PGD: variants seen among roughly 807,000 people sequenced by gnomAD.
PGD encodes phosphogluconate dehydrogenase.
Under a neutral mutation model 60.4 loss-of-function variants are expected in PGD, and 21 were observed. That is an observed-to-expected ratio of 0.35 (90% CI 0.25 to 0.50). PGD has a LOEUF of 0.50. Among genes scored for constraint, PGD ranks in the 20% least tolerant of loss-of-function variants. PGD has a pLI of 0.98. For synonymous variants in PGD, 230 were observed against 235.9 expected (o/e 0.97, Z 0.23); for missense variants, 477 against 613.1 (o/e 0.78, Z 2.34).
intron 5 of PGD, among the ~76,000 whole-genome samples, chr1:10,405,326 G>A (rs759504665): frequency 1.3e-5 from 2 of 151,176 alleles, no homozygotes; most frequent in East Asian, 2.0e-4. Context: ...AGCCGAGATC[G>A]CGCCACTGCA....
At chr1:10,411,661 C>T (rs758325040) in intron 7 of PGD, 109 bp downstream of exon 7, 9 of 1,251,746 alleles carry the variant, frequency 7.2e-6, no homozygotes, top group Non-Finnish European at 1.0e-5. Flanking sequence ...GGGTGGCCTG[C>T]ATGGACTCAG....
chr1:10,411,625 C>T, intron 7 of PGD, 73 bp downstream of exon 7: 1 of 1,575,368 alleles, frequency 6.3e-7, no homozygotes, highest in Non-Finnish European at 8.7e-7. Context: ...CGAATCTTTT[C>T]TTCATTCCTA....
chr1:10,417,552 C>T lies in PGD; in HGVS notation c.1109+43C>T, dbSNP rs776966118. ...CAGGGTCCGACGGGAAGGACTCACA[C>T]GGCTGTGCAGAAGTGCGATCTTAGG... On this transcript the variant is annotated intron_variant, in intron 10 of 12. Transcript: ENST00000270776. The T allele has an allele frequency of 4.1e-5, 64 of 1,573,488 alleles. 1 individual carries two copies. The Middle Eastern group carries it at 5.1e-4, about 12-fold the overall frequency.
At position 10,417,051 on chromosome 1, in the gene PGD, G is replaced by T; in HGVS notation, c.909G>T (p.Lys303Asn). 6.2e-7 allele frequency: 1 copy of T among 1,614,060 alleles called. No individual in the cohort carries two copies. Among genetic ancestry groups the T allele is most frequent in the Non-Finnish European group, 8.5e-7 (1 of 1,179,906 alleles). ...ATGAGAGAATTCAAGCTAGCAAAAAGCTGAAGGGTCCCCAGAAGTTCCAGT... is the reference window on the plus strand; with the variant it reads ...ATGAGAGAATTCAAGCTAGCAAAAATCTGAAGGGTCCCCAGAAGTTCCAGT... Reference protein sequence around the residue: ...LKDERIQASKKLKGPQKFQFD... With the variant: ...LKDERIQASKNLKGPQKFQFD... Residue 303 changes from lysine (K) to asparagine (N), a missense_variant, in exon 9 of 13, where the codon AAG becomes AAT. Coordinates refer to ENST00000270776, the MANE Select transcript of PGD (RefSeq NM_002631.4).
chr1:10,401,630 A>G (rs1157132191), intron 3 of PGD, among the ~76,000 whole-genome samples: 1 of 152,254 alleles, frequency 6.6e-6, no homozygotes, highest in Non-Finnish European at 1.5e-5. Flanking sequence ...AGTTTCAGAC[A>G]GAGAAAACTG....
intron 6 of PGD, among the ~76,000 whole-genome samples, chr1:10,409,916 A>G (rs1639471104): frequency 6.6e-6 from 1 of 151,990 alleles, no homozygotes; most frequent in Admixed American, 6.6e-5. Context: ...TTGGCCTCCC[A>G]AAGTGTTGGG....
At chr1:10,419,231 C>G (rs1639647976) in intron 11 of PGD, among the ~76,000 whole-genome samples, 186 bp from the exon 12 acceptor site, 1 of 150,302 alleles carries the variant, frequency 6.7e-6, no homozygotes, top group South Asian at 2.1e-4. Context: ...GTTGGCTAGA[C>G]TGGTCTTGAA....
chr1:10,399,796 C>A, intron 2 of PGD, 92 bp downstream of exon 2: 2 of 1,088,720 alleles, frequency 1.8e-6, no homozygotes, highest in Non-Finnish European at 2.8e-6. Flanking sequence ...GTCTCCTGGC[C>A]GTGCTTTGCT....
At chr1:10,411,904 T>C (rs1054418298) in intron 7 of PGD, among the ~76,000 whole-genome samples, 1 of 152,214 alleles carries the variant, frequency 6.6e-6, no homozygotes, top group African/African-American at 2.4e-5. Context: ...GGCTTTTTGA[T>C]AGTTAATCTG....
chr1:10,417,547 TCA>T (rs1471333275), intron 10 of PGD, 38 bp downstream of exon 10: 4 of 1,579,164 alleles, frequency 2.5e-6, no homozygotes, highest in African/African-American at 1.3e-5. Context: ...CGGGAAGGAC[TCA>T]CACGGCTGTG....
At chr1:10,414,053 C>A (rs944510582) in intron 8 of PGD, among the ~76,000 whole-genome samples, 1 of 152,156 alleles carries the variant, frequency 6.6e-6, no homozygotes, top group African/African-American at 2.4e-5. Flanking sequence ...GAGACTCCAT[C>A]CCCTCCAAAA....
chr1:10,419,290 G>A (rs1639648917), intron 11 of PGD, 127 bp from the exon 12 acceptor site: 1 of 1,296,730 alleles, frequency 7.7e-7, no homozygotes, highest in African/African-American at 1.5e-5. Flanking sequence ...GTGCTGGGAT[G>A]ACAGGCGTGA....
chr1:10,417,618 C>T, intron 10 of PGD, 109 bp downstream of exon 10: 1 of 1,072,064 alleles, frequency 9.3e-7, no homozygotes, highest in South Asian at 1.6e-5. Context: ...GCACTTAGCC[C>T]CATCACTGGA....
chr1:10,411,550 C>G lies in PGD; in HGVS notation c.652C>G (p.Gln218Glu). Reference protein sequence around the residue: ...VLGMAQDEMAQAFEDWNKTEL... With the variant: ...VLGMAQDEMAEAFEDWNKTEL... ...GGGCATGGCGCAGGACGAGATGGCCCAGGTGAGGCCCCGGCACTGCCTCTG... is the reference window on the plus strand; with the variant it reads ...GGGCATGGCGCAGGACGAGATGGCCGAGGTGAGGCCCCGGCACTGCCTCTG... The change falls in exon 7 of 13, where the codon CAG becomes GAG. Residue 218 changes from glutamine to glutamate, a missense_variant and splice_region_variant. Physicochemically the swap from Gln to Glu is conservative, Grantham distance 29 (BLOSUM62 2). Around this residue, in one of 3 missense-constraint regions of PGD, gnomAD observed 431 missense variants for 556.6 expected, o/e 0.77. Coordinates refer to ENST00000270776, the MANE Select transcript of PGD (RefSeq NM_002631.4). 6.2e-7 allele frequency: 1 copy of G among 1,613,830 alleles called. No homozygotes were observed. The highest frequency in any genetic ancestry group is 8.5e-7 in the Non-Finnish European group (1 of 1,179,820).
rs1383153000 is a variant in PGD at position 10,417,465 on chromosome 1, T to C, written c.1065T>C (p.Tyr355=). ...AATEFGWTLN[Y]GGIALMWRGG... is the part of the protein sequence containing the mutation. ...CCGAGTTTGGCTGGACTCTCAATTA[T>C]GGTGGCATCGCCCTGATGTGGAGAG... Residue 355 remains tyrosine (Y), a synonymous_variant, in exon 10 of 13, where the codon TAT becomes TAC. Coordinates refer to ENST00000270776, the MANE Select transcript of PGD (RefSeq NM_002631.4). 2.5e-6 allele frequency: 4 copies of C among 1,613,936 alleles called. No homozygotes were observed. Among genetic ancestry groups the C allele is most frequent in the Admixed American group, 1.7e-5 (1 of 59,988 alleles).
intron 10 of PGD, among the ~76,000 whole-genome samples, chr1:10,418,396 G>A (rs1418069906): frequency 6.6e-6 from 1 of 152,162 alleles, no homozygotes; most frequent in Non-Finnish European, 1.5e-5. Context: ...CAGGAAAAGG[G>A]TTAACAGCTT....
chr1:10,415,527 C>T (rs942826190), intron 8 of PGD: 2 of 152,218 alleles, frequency 1.3e-5, no homozygotes, highest in Admixed American at 1.3e-4. Flanking sequence ...CAGCTGCCCT[C>T]TCCCCCTCTA....
At chr1:10,405,853 G>C (rs1250662512) in intron 5 of PGD, among the ~76,000 whole-genome samples, 1 of 151,956 alleles carries the variant, frequency 6.6e-6, no homozygotes, top group Non-Finnish European at 1.5e-5. Context: ...AAGAAAAAAT[G>C]ATTCTTTTTT....
In PGD at chr1:10,419,967, T is replaced by C. The variant is rs780906979; in HGVS notation, c.*218T>C. 9.8e-5 allele frequency: 54 copies of C among 553,738 alleles called. No homozygotes were observed. The highest frequency in any genetic ancestry group is 1.5e-4 in the Non-Finnish European group (48 of 311,238). 34.3% of individuals were successfully genotyped at this position (553,738 alleles called of 1,614,324 possible). On this transcript the variant is annotated 3_prime_UTR_variant, in exon 13 of 13. Transcript: ENST00000270776. ...CTTGGGACTGACCAGGAGCTGCTCA[T>C]GTGCGTGAGAGTGGGAACCATCTCC...
Sources: gnomAD v4.1 joint callset for allele counts (sites outside exome capture counted in the v4.1 genomes callset) on GRCh38, gnomAD v4.1.1 for gene constraint, gnomAD v4.1.1 regional missense constraint, MANE v1.5 for transcripts, NCBI Gene and HGNC (gene_info 2026-07-23, HGNC 2026-07-21) for gene names.